The following TXNRD1 variants were observed in gnomAD, a reference collection of about 807,000 sequenced individuals.
The protein encoded by TXNRD1 is thioredoxin reductase 1, cytoplasmic.
TXNRD1 carries 57 observed loss-of-function variants against 80.3 expected under a neutral mutation model. That is an observed-to-expected ratio of 0.71 (90% confidence interval 0.57 to 0.89). The LOEUF (loss-of-function observed/expected upper bound fraction) is 0.89, where lower values mean the gene tolerates loss of function less well. Among genes scored for constraint, TXNRD1 ranks in the 40% least tolerant of loss-of-function variants. The probability of loss-of-function intolerance (pLI) is 0.00; values close to 1 mark genes in which losing one functional copy is unlikely to be tolerated. For synonymous variants in TXNRD1, 291 were observed against 285.2 expected (o/e 1.02, Z -0.20); for missense variants, 730 against 803.0 (o/e 0.91, Z 1.10).
At chr12:104,328,176 T>TAA (rs528499476) in intron 13 of TXNRD1, among the ~76,000 whole-genome samples, 2 of 126,570 alleles carry the variant, frequency 1.6e-5, no homozygotes, top group African/African-American at 5.7e-5. Context: ...AAAAAAAAAT[T>TAA]AAAAAAAAAA....
chr12:104,321,743 C>G (rs2035539210), intron 10 of TXNRD1, among the ~76,000 whole-genome samples: 1 of 152,210 alleles, frequency 6.6e-6, no homozygotes, highest in South Asian at 2.1e-4. Flanking sequence ...ATAAACACTA[C>G]ATACTTCTGG....
At chr12:104,336,119 T>A (rs532472702) in intron 15 of TXNRD1, among the ~76,000 whole-genome samples, 2 of 152,370 alleles carry the variant, frequency 1.3e-5, no homozygotes, top group South Asian at 4.1e-4. Context: ...GGCAGTATAT[T>A]AACTGCCCCT....
chr12:104,272,608 G>A (rs2033674666), intron 3 of TXNRD1, among the ~76,000 whole-genome samples: 2 of 152,112 alleles, frequency 1.3e-5, no homozygotes, highest in African/African-American at 4.8e-5. Context: ...TCCTGGCTAT[G>A]GTGAAACCCA....
intron 3 of TXNRD1, among the ~76,000 whole-genome samples, chr12:104,273,570 G>A (rs2033698820): frequency 6.6e-6 from 1 of 152,124 alleles, no homozygotes. Flanking sequence ...TCCAGTCTGG[G>A]CAACAGAGTG....
At chr12:104,290,753 A>ATATG (rs2034170937) in intron 4 of TXNRD1, among the ~76,000 whole-genome samples, 1 of 113,974 alleles carries the variant, frequency 8.8e-6, no homozygotes, top group Non-Finnish European at 1.8e-5. Context: ...ATATATATAT[A>ATATG]TATATGTATA....
chr12:104,257,748 G>C (rs1441672160), intron 2 of TXNRD1, among the ~76,000 whole-genome samples: 12 of 152,074 alleles, frequency 7.9e-5, no homozygotes, highest in Admixed American at 7.2e-4. Context: ...TTTATAATGA[G>C]GTAGACTGAG....
chr12:104,338,864 C>G (rs1479253220), intron 15 of TXNRD1, among the ~76,000 whole-genome samples: 3 of 151,938 alleles, frequency 2.0e-5, no homozygotes, highest in Non-Finnish European at 4.4e-5. Context: ...CTACAGGCAC[C>G]CGCCACCACG....
chr12:104,316,016 A>T, intron 7 of TXNRD1, 120 bp downstream of exon 7: 2 of 1,106,410 alleles, frequency 1.8e-6, no homozygotes, highest in Non-Finnish European at 2.5e-6. Context: ...TATTGTTTAC[A>T]TTTTTGATGG....
chr12:104,270,267 C>T (rs189633011), intron 3 of TXNRD1, among the ~76,000 whole-genome samples: 178 of 152,292 alleles, frequency 1.2e-3, no homozygotes, highest in African/African-American at 3.9e-3. Flanking sequence ...TCTATGGCAG[C>T]TATAGCCTTA....
intron 13 of TXNRD1, among the ~76,000 whole-genome samples, chr12:104,329,620 C>T (rs577744291): frequency 6.6e-6 from 1 of 151,730 alleles, no homozygotes; most frequent in Non-Finnish European, 1.5e-5. Context: ...TGCAGTCCAG[C>T]CTGGGCATCA....
intron 4 of TXNRD1, chr12:104,303,789 G>A (rs1343617948): frequency 2.3e-6 from 3 of 1,288,158 alleles, no homozygotes; most frequent in East Asian, 2.7e-5. Context: ...CACGCTGGGA[G>A]GGCCGTTACC....
intron 1 of TXNRD1, among the ~76,000 whole-genome samples, chr12:104,242,182 A>G (rs1180209526): frequency 6.6e-6 from 1 of 151,204 alleles, no homozygotes; most frequent in Non-Finnish European, 1.5e-5. Context: ...CAGGTGATCC[A>G]CCCACCTTGG....
chr12:104,304,452 G>A (rs776208689), intron 4 of TXNRD1: 19 of 1,613,940 alleles, frequency 1.2e-5, no homozygotes, highest in Non-Finnish European at 1.5e-5. Context: ...TTTGTTTTTG[G>A]TTCATTCAAG....
Position 104,315,919 on chromosome 12 carries a change from T to G in TXNRD1, c.730+23T>G. 1.9e-6 allele frequency: 3 copies of G among 1,599,526 alleles called. No individual in the cohort carries two copies. In the South Asian group the frequency reaches 3.3e-5, roughly 18 times the overall value. On this transcript the variant is annotated intron_variant, in intron 7 of 16. Coordinates refer to ENST00000525566, the MANE Select transcript of TXNRD1 (RefSeq NM_001093771.3). ...CAGGTATGAGAGGGAAAAGCTACTC[T>G]TCTGTTTGTGCTTTTGGGGGTTTGA...
At chr12:104,287,166 G>A in intron 3 of TXNRD1, 1 of 1,566,122 alleles carries the variant, frequency 6.4e-7, no homozygotes, top group South Asian at 1.2e-5. Context: ...ATGGGAGCAC[G>A]CGGGGGACGG....
At chr12:104,252,459 G>C (rs1057510316) in intron 2 of TXNRD1, among the ~76,000 whole-genome samples, 6 of 151,216 alleles carry the variant, frequency 4.0e-5, no homozygotes, top group Non-Finnish European at 8.8e-5. Flanking sequence ...GATTAGTTTA[G>C]TCCACCCTGA....
At chr12:104,236,216 G>A (rs1593691948) in intron 1 of TXNRD1, among the ~76,000 whole-genome samples, 2 of 152,152 alleles carry the variant, frequency 1.3e-5, no homozygotes, top group African/African-American at 2.4e-5. Context: ...AACCAGGGAT[G>A]GGCAAGGACA....
At chr12:104,294,242 C>CCCCCCCCCCCCG (rs57647930) in intron 4 of TXNRD1, among the ~76,000 whole-genome samples, 1 of 119,044 alleles carries the variant, frequency 8.4e-6, no homozygotes, top group Non-Finnish European at 1.8e-5. Flanking sequence ...GGCCCCCCCC[C>CCCCCCCCCCCCG]CCGCCGCCGG....
At chr12:104,268,287 T>C (rs1316856476) in intron 3 of TXNRD1, among the ~76,000 whole-genome samples, 1 of 150,944 alleles carries the variant, frequency 6.6e-6, no homozygotes, top group African/African-American at 2.4e-5. Context: ...TGAGGTGGGC[T>C]GATCACGAGG....
Sources: gnomAD v4.1 joint callset for allele counts (sites outside exome capture counted in the v4.1 genomes callset) on GRCh38, gnomAD v4.1.1 for gene constraint, MANE v1.5 for transcripts, NCBI Gene and HGNC (gene_info 2026-07-23, HGNC 2026-07-21) for gene names.